The following SLC35F2 variants were observed in gnomAD, a reference collection of about 807,000 sequenced individuals.
SLC35F2 encodes the protein solute carrier family 35 member F2.
In SLC35F2, 25 loss-of-function variants were observed where a neutral mutation model predicts 38.1. The observed-to-expected ratio is 0.66, with a 90% CI of 0.48 to 0.92. The LOEUF is 0.92. Ranked by LOEUF, SLC35F2 falls within the 40% of genes least tolerant of loss-of-function variation. The pLI, the probability that SLC35F2 is intolerant of heterozygous loss-of-function variation, is 0.00. For synonymous variants in SLC35F2, 173 were observed against 181.7 expected (o/e 0.95, Z 0.38); for missense variants, 409 against 452.9 (o/e 0.90, Z 0.88).
intron 4 of SLC35F2, among the ~76,000 whole-genome samples, chr11:107,806,368 T>C (rs1233489442): frequency 6.6e-6 from 1 of 152,154 alleles, no homozygotes; most frequent in Non-Finnish European, 1.5e-5. Flanking sequence ...AGACCTTAAT[T>C]AGATTTTATA....
intron 7 of SLC35F2, among the ~76,000 whole-genome samples, chr11:107,801,713 C>G (rs1407468797): frequency 4.0e-5 from 6 of 151,514 alleles, no homozygotes; most frequent in Non-Finnish European, 8.8e-5. Flanking sequence ...AAAAAAAAAT[C>G]TATATACTTG....
Position 107,818,598 on chromosome 11 carries a change from C to T in SLC35F2, c.111-2633G>A, listed in dbSNP as rs553555010. 3.8e-4 allele frequency among the ~76,000 whole-genome samples: 58 copies of T among 152,240 alleles called. 1 individual carries two copies. The South Asian group carries it at 0.012, about 31-fold the overall frequency. On this transcript the variant is annotated intron_variant, in intron 1 of 7. Transcript: ENST00000525815. ...AAAATTTTATACAGGCGGCATCATA[C>T]TGTATATACTTCTGCAATTGTGGTT...
intron 3 of SLC35F2, chr11:107,809,597 A>T: frequency 1.4e-6 from 1 of 736,022 alleles, no homozygotes; most frequent in Non-Finnish European, 1.7e-6. Context: ...ATGCCATTGT[A>T]CTCCAGCCTG....
intron 1 of SLC35F2, among the ~76,000 whole-genome samples, chr11:107,824,109 C>G (rs11212390): frequency 0.058 from 8,757 of 151,986 alleles, 520 homozygotes; most frequent in African/African-American, 0.15. Flanking sequence ...TGTGAAGAAC[C>G]TACATTCTGT....
At chr11:107,819,966 G>A (rs1165946785) in intron 1 of SLC35F2, among the ~76,000 whole-genome samples, 1 of 152,058 alleles carries the variant, frequency 6.6e-6, no homozygotes, top group East Asian at 1.9e-4. Context: ...CAGATCACAG[G>A]ATTCAAATTT....
Position 107,806,869 on chromosome 11 carries a change from TC to T in SLC35F2, c.421del (p.Asp141IlefsTer8). The T allele has an allele frequency of 1.2e-6, 2 of 1,612,618 alleles. No homozygotes were observed. The highest frequency in any genetic ancestry group is 2.2e-5 in the South Asian group (2 of 90,822). Reference sequence around the variant, plus strand: ...CATCAACACAGGAATCCCAAAGCAATCCAAAAGCTGCATGGAAAGAGAATCA... The same window carrying T: ...CATCAACACAGGAATCCCAAAGCAATCAAAAGCTGCATGGAAAGAGAATCA... ...YTTLTSVQLL[D>X]CFGIPVLMAL... On this transcript the variant is annotated frameshift_variant, in exon 4 of 8. Coordinates refer to ENST00000525815, the MANE Select transcript of SLC35F2 (RefSeq NM_017515.5). LOFTEE classifies it high-confidence loss of function.
At chr11:107,842,094 A>G (rs1395383207) in intron 1 of SLC35F2, among the ~76,000 whole-genome samples, 1 of 149,704 alleles carries the variant, frequency 6.7e-6, no homozygotes, top group Non-Finnish European at 1.5e-5. Context: ...AGAAAAATAA[A>G]AAATAAAAAT....
intron 1 of SLC35F2, among the ~76,000 whole-genome samples, chr11:107,853,698 C>A (rs368099895): frequency 1.8e-3 from 212 of 120,832 alleles, no homozygotes; most frequent in African/African-American, 6.2e-3. Context: ...CCAGCCTGGG[C>A]GACAGAGCGA....
intron 1 of SLC35F2, among the ~76,000 whole-genome samples, chr11:107,850,978 T>TC (rs1240023886): frequency 4.0e-5 from 6 of 151,886 alleles, no homozygotes; most frequent in Non-Finnish European, 1.5e-5. Flanking sequence ...TGAAACCCTG[T>TC]CTTTAGCTGG....
At chr11:107,856,135 A>G (rs1483183915) in intron 1 of SLC35F2, among the ~76,000 whole-genome samples, 1 of 151,800 alleles carries the variant, frequency 6.6e-6, no homozygotes, top group Non-Finnish European at 1.5e-5. Context: ...AAGAAGAAGA[A>G]AAGAAAAGAA....
chr11:107,824,327 T>C (rs1199615707), intron 1 of SLC35F2, among the ~76,000 whole-genome samples: 3 of 152,222 alleles, frequency 2.0e-5, no homozygotes, highest in Non-Finnish European at 2.9e-5. Context: ...GATGGCATCA[T>C]GTTAAAATGC....
chr11:107,825,854 A>T (rs1859746607), intron 1 of SLC35F2, among the ~76,000 whole-genome samples: 1 of 152,162 alleles, frequency 6.6e-6, no homozygotes. Flanking sequence ...ACACTTCAAA[A>T]ACTTAACAGT....
chr11:107,823,059 A>T, intron 1 of SLC35F2: 1 of 723,742 alleles, frequency 1.4e-6, no homozygotes, highest in Non-Finnish European at 1.7e-6. Flanking sequence ...TTACTATTTC[A>T]AATTAGATAG....
In SLC35F2 at chr11:107,850,925, A is replaced by G. The variant is rs12292315; in HGVS notation, c.110+7733T>C. ...CACTTTGGGAGGTTGAGATGGGTGG[A>G]TCACCTGAGGTTGGGAATTCGCGAC... On this transcript the variant is annotated intron_variant, in intron 1 of 7. Coordinates refer to ENST00000525815, the MANE Select transcript of SLC35F2 (RefSeq NM_017515.5). 4.9e-3 allele frequency among the ~76,000 whole-genome samples: 746 copies of G among 152,122 alleles called. 8 individuals are homozygous for G. Among genetic ancestry groups the G allele is most frequent in the African/African-American group, 0.017 (693 of 41,500 alleles).
At chr11:107,806,253 A>G (rs1316729659) in intron 4 of SLC35F2, among the ~76,000 whole-genome samples, 1 of 152,252 alleles carries the variant, frequency 6.6e-6, no homozygotes, top group African/African-American at 2.4e-5. Flanking sequence ...AATGGAGTTC[A>G]TTGAAGGGGT....
intron 1 of SLC35F2, among the ~76,000 whole-genome samples, chr11:107,854,698 C>T (rs137957013): frequency 6.6e-6 from 1 of 152,112 alleles, no homozygotes; most frequent in South Asian, 2.1e-4. Flanking sequence ...CCTATGGGGG[C>T]AGGTATATTA....
chr11:107,818,124 G>GAAAGA (rs1859613422), intron 1 of SLC35F2, among the ~76,000 whole-genome samples: 2 of 139,572 alleles, frequency 1.4e-5, no homozygotes, highest in East Asian at 4.2e-4. Context: ...AAGAAAGAAA[G>GAAAGA]AAAGAAAGAA....
intron 1 of SLC35F2, among the ~76,000 whole-genome samples, chr11:107,832,369 T>C (rs1247811109): frequency 6.6e-6 from 1 of 152,184 alleles, no homozygotes; most frequent in Non-Finnish European, 1.5e-5. Flanking sequence ...GGTTTAGAAG[T>C]CAATGACTTG....
chr11:107,831,888 C>G (rs768716302), intron 1 of SLC35F2, among the ~76,000 whole-genome samples: 1 of 152,200 alleles, frequency 6.6e-6, no homozygotes, highest in Non-Finnish European at 1.5e-5. Context: ...TTCTTATCTA[C>G]TACTCTAGAA....
Sources: gnomAD v4.1 joint callset for allele counts (sites outside exome capture counted in the v4.1 genomes callset) on GRCh38, gnomAD v4.1.1 for gene constraint, MANE v1.5 for transcripts, NCBI Gene and HGNC (gene_info 2026-07-23, HGNC 2026-07-21) for gene names.